The following PLCE1 variants were observed in gnomAD, a reference collection of about 807,000 sequenced individuals.
PLCE1 encodes 1-phosphatidylinositol 4,5-bisphosphate phosphodiesterase epsilon-1.
Under a neutral mutation model 242.8 loss-of-function variants are expected in PLCE1, and 119 were observed. The observed-to-expected ratio is 0.49, with a 90% CI of 0.42 to 0.57. The LOEUF (loss-of-function observed/expected upper bound fraction) is 0.57, where lower values mean the gene tolerates loss of function less well. PLCE1 is among the 20% of genes least tolerant of loss of function. The pLI is 0.00. For missense variants in PLCE1, 2,441 were observed against 2,788.8 expected, an observed-to-expected ratio of 0.88 and a Z score of 2.81; for synonymous variants, 945 against 1,017.4, an observed-to-expected ratio of 0.93 and a Z score of 1.35.
chr10:94,311,367 G>A (rs553618132), intron 27 of PLCE1, among the ~76,000 whole-genome samples: 17 of 152,290 alleles, frequency 1.1e-4, no homozygotes, highest in Non-Finnish European at 2.4e-4. Flanking sequence ...AGCAACAAAG[G>A]ACACTCTTAT....
intron 1 of PLCE1, among the ~76,000 whole-genome samples, chr10:94,007,439 T>C (rs1259202391): frequency 6.6e-6 from 1 of 152,160 alleles, no homozygotes; most frequent in Non-Finnish European, 1.5e-5. Context: ...GGGAACTAGT[T>C]CCACTGCCTT....
intron 2 of PLCE1, among the ~76,000 whole-genome samples, chr10:94,033,082 A>G (rs2061593428): frequency 6.6e-6 from 1 of 152,146 alleles, no homozygotes; most frequent in Non-Finnish European, 1.5e-5. Flanking sequence ...GATTTAAAGT[A>G]TACGGGAAGA....
chr10:94,127,779 G>A (rs910316095), intron 2 of PLCE1, among the ~76,000 whole-genome samples: 9 of 152,206 alleles, frequency 5.9e-5, no homozygotes, highest in Middle Eastern at 3.4e-3. Flanking sequence ...CTATATTGGC[G>A]AAAAGGAAAC....
intron 1 of PLCE1, among the ~76,000 whole-genome samples, chr10:94,001,423 A>G (rs2060928336): frequency 6.6e-6 from 1 of 152,190 alleles, no homozygotes; most frequent in Admixed American, 6.5e-5. Flanking sequence ...GCATTTGTAT[A>G]TTTTCATTGC....
intron 2 of PLCE1, among the ~76,000 whole-genome samples, chr10:94,122,664 A>G (rs959291458): frequency 1.4e-4 from 22 of 152,124 alleles, no homozygotes; most frequent in African/African-American, 5.1e-4. Context: ...AGTAGCTTCC[A>G]TTCTAGAAGG....
At chr10:94,035,394 C>T (rs930000016) in intron 2 of PLCE1, among the ~76,000 whole-genome samples, 73 of 152,174 alleles carry the variant, frequency 4.8e-4, no homozygotes, top group African/African-American at 1.7e-3. Flanking sequence ...TTCACTGGTC[C>T]CCAGCTCAAA....
intron 4 of PLCE1, among the ~76,000 whole-genome samples, chr10:94,205,421 A>G (rs2049126601): frequency 6.6e-6 from 1 of 152,244 alleles, no homozygotes; most frequent in African/African-American, 2.4e-5. Context: ...GGGGAGGAAG[A>G]GAGAATGGAA....
In PLCE1 at chr10:94,057,826, C is replaced by T. The variant is rs550722975; in HGVS notation, c.1206+25574C>T. Among the ~76,000 whole-genome samples, 8 of 152,300 alleles carry T rather than the reference C, an allele frequency of 5.3e-5. No homozygotes were observed. In the East Asian group the frequency reaches 1.3e-3, roughly 26 times the overall value. ...CAAGGTGTCAGCTGGGGTTGCAATTCTCACTTGGGGCTGGGATCTTCTTCC... is the reference window on the plus strand; with the variant it reads ...CAAGGTGTCAGCTGGGGTTGCAATTTTCACTTGGGGCTGGGATCTTCTTCC... On this transcript the variant is annotated intron_variant, in intron 2 of 32. Transcript: ENST00000371380.
chr10:94,124,381 G>GAAAAAAAAA (rs981911349), intron 2 of PLCE1, among the ~76,000 whole-genome samples: 2 of 58,558 alleles, frequency 3.4e-5, no homozygotes, highest in Admixed American at 1.9e-4. Flanking sequence ...TTGTCTCAGA[G>GAAAAAAAAA]AAAAAAAAAA....
intron 4 of PLCE1, among the ~76,000 whole-genome samples, chr10:94,174,173 G>A (rs1384536273): frequency 2.6e-5 from 4 of 152,198 alleles, no homozygotes; most frequent in Non-Finnish European, 4.4e-5. Flanking sequence ...TCTTGCAGAT[G>A]AGGAAAGTGA....
chr10:94,311,102 G>GT (rs1240080946), intron 27 of PLCE1, among the ~76,000 whole-genome samples: 5 of 152,178 alleles, frequency 3.3e-5, no homozygotes, highest in African/African-American at 1.2e-4. Context: ...GGGAGGAGGA[G>GT]TGCAGAGCTT....
intron 3 of PLCE1, chr10:94,138,518 C>A: frequency 2.1e-6 from 1 of 474,636 alleles, no homozygotes; most frequent in Non-Finnish European, 4.2e-6. Context: ...GATGTTCCAG[C>A]CTAGTGCTGT....
chr10:94,171,140 C>G, intron 3 of PLCE1, 40 bp from the exon 4 acceptor site: 4 of 1,549,374 alleles, frequency 2.6e-6, no homozygotes, highest in Non-Finnish European at 3.6e-6. Flanking sequence ...CAGGGGACAC[C>G]AGATTTGATG....
At chr10:94,302,663 T>C (rs2053078655) in intron 24 of PLCE1, among the ~76,000 whole-genome samples, 1 of 152,190 alleles carries the variant, frequency 6.6e-6, no homozygotes, top group African/African-American at 2.4e-5. Flanking sequence ...TGGGCTCGAT[T>C]TATAGCATCC....
Position 94,321,979 on chromosome 10 carries a change from GTGCA to G in PLCE1, c.6424_6427del (p.His2142MetfsTer37). 6.2e-7 allele frequency: 1 copy of G among 1,613,944 alleles called. No homozygotes were observed. Among genetic ancestry groups the G allele is most frequent in the Non-Finnish European group, 8.5e-7 (1 of 1,179,844 alleles). ...AGAGGAGGAGAGTTTCTTTGTCCAA[GTGCA>G]TGATGTTTCTCCAGAGCAACCTCGA... On this transcript the variant is annotated frameshift_variant, in exon 30 of 33. Coordinates refer to ENST00000371380, the MANE Select transcript of PLCE1 (RefSeq NM_016341.4). LOFTEE classifies it high-confidence loss of function.
Position 94,304,230 on chromosome 10 carries a change from G to C in PLCE1, c.5459-252G>C, listed in dbSNP as rs116352529. On this transcript the variant is annotated intron_variant, in intron 24 of 32. Coordinates refer to ENST00000371380, the MANE Select transcript of PLCE1 (RefSeq NM_016341.4). ...ACCTAGTTTGGAGTGGTAACACTGG[G>C]CATATCCATAGACTGTAAGCCCCAG... 2.2e-3 allele frequency among the ~76,000 whole-genome samples: 333 copies of C among 152,312 alleles called. 1 individual carries two copies. Among genetic ancestry groups the C allele is most frequent in the African/African-American group, 7.7e-3 (320 of 41,568 alleles).
chr10:94,288,971 C>A (rs369984220), intron 22 of PLCE1, among the ~76,000 whole-genome samples: 2 of 152,022 alleles, frequency 1.3e-5, no homozygotes, highest in East Asian at 3.9e-4. Context: ...GAGTTGCCTC[C>A]CCCACAGAGA....
At chr10:94,283,984 T>C in intron 21 of PLCE1, 73 bp downstream of exon 21, 1 of 1,536,826 alleles carries the variant, frequency 6.5e-7, no homozygotes, top group East Asian at 2.3e-5. Flanking sequence ...GAGATTCCAC[T>C]TGCTCCCTGT....
At chr10:94,243,595 C>T (rs2050582637) in intron 7 of PLCE1, among the ~76,000 whole-genome samples, 1 of 152,078 alleles carries the variant, frequency 6.6e-6, no homozygotes, top group Non-Finnish European at 1.5e-5. Context: ...TAAAACTATC[C>T]TAAAATTAAA....
Sources: gnomAD v4.1 joint callset for allele counts (sites outside exome capture counted in the v4.1 genomes callset) on GRCh38, gnomAD v4.1.1 for gene constraint, MANE v1.5 for transcripts, NCBI Gene and HGNC (gene_info 2026-07-23, HGNC 2026-07-21) for gene names.